The following GCA variants were observed in gnomAD, a reference collection of about 807,000 sequenced individuals.
GCA encodes grancalcin, EF-hand calcium-binding protein.
Under a neutral mutation model 32.6 loss-of-function variants are expected in GCA, and 30 were observed. The ratio of observed to expected loss-of-function variants is 0.92; its 90% CI spans 0.69 to 1.25. The LOEUF is 1.25. Ranked by LOEUF, GCA falls within the 50% of genes most tolerant of loss-of-function variation. GCA has a pLI of 0.00. For missense variants in GCA, 291 were observed against 266.8 expected, an observed-to-expected ratio of 1.09 and a Z score of -0.63; for synonymous variants, 102 against 84.6, an observed-to-expected ratio of 1.21 and a Z score of -1.13.
At chr2:162,331,896 A>T (rs564850400) in intron 1 of GCA, among the ~76,000 whole-genome samples, 2 of 152,306 alleles carry the variant, frequency 1.3e-5, no homozygotes, top group South Asian at 4.1e-4. Context: ...AAGTGGACAC[A>T]TATTTTCAGC....
At chr2:162,359,421 G>A (rs1685458986) in intron 6 of GCA, 73 bp from the exon 7 acceptor site, 1 of 676,424 alleles carries the variant, frequency 1.5e-6, no homozygotes, top group Admixed American at 2.6e-5. Context: ...TTCTTTTTGT[G>A]TACCTGGGTG....
At position 162,344,177 on chromosome 2, in the gene GCA, C is replaced by G. The variant is rs1378478810; in HGVS notation, c.-72C>G. On this transcript the variant is annotated 5_prime_UTR_variant, in exon 1 of 8. Transcript: ENST00000437150. The stretch of plus-strand genomic sequence containing the variant: ...CTGCAGCTGCGCCTCCTTGCACCTG[C>G]GCCTGTGCTTTTTCTCCCAGCACTG... The G allele has an allele frequency of 3.2e-6, 5 of 1,557,302 alleles. No individual in the cohort carries two copies. In the African/African-American group the frequency reaches 5.4e-5, roughly 17 times the overall value.
downstream of GCA, chr2:162,373,467 T>C (rs2105385754): frequency 6.6e-7 from 1 of 1,517,264 alleles, no homozygotes; most frequent in Non-Finnish European, 8.9e-7. Context: ...TATCCACACT[T>C]ACTTGTGAGG....
chr2:162,373,588 G>C, downstream of GCA: 1 of 1,580,386 alleles, frequency 6.3e-7, no homozygotes, highest in Non-Finnish European at 8.6e-7. Context: ...ACTGTAGGCT[G>C]GGGGGACCAC....
chr2:162,333,915 C>G (rs761221829), intron 1 of GCA, among the ~76,000 whole-genome samples: 7 of 152,108 alleles, frequency 4.6e-5, no homozygotes, highest in Non-Finnish European at 1.0e-4. Context: ...AAACTTATCT[C>G]GAAAAAGGAA....
Position 162,361,149 on chromosome 2 carries a change from A to G in GCA, c.*906A>G. ...TGTTCAGAAATTTTACATTTGACTTATTTGACAACATTAACATTAGTGGTG... is the reference window on the plus strand; with the variant it reads ...TGTTCAGAAATTTTACATTTGACTTGTTTGACAACATTAACATTAGTGGTG... On this transcript the variant is annotated 3_prime_UTR_variant, in exon 8 of 8. Coordinates refer to ENST00000437150, the MANE Select transcript of GCA (RefSeq NM_012198.5). 1.0e-6 allele frequency: 1 copy of G among 983,694 alleles called. No individual in the cohort carries two copies. Among genetic ancestry groups the G allele is most frequent in the Non-Finnish European group, 1.2e-6 (1 of 828,054 alleles). 60.9% of individuals were successfully genotyped at this position (983,694 alleles called of 1,614,324 possible).
downstream of GCA, among the ~76,000 whole-genome samples, chr2:162,367,232 A>G (rs945659628): frequency 1.3e-5 from 2 of 152,014 alleles, no homozygotes; most frequent in Non-Finnish European, 2.9e-5. Flanking sequence ...TGCCATTTCC[A>G]CCGTTCCGCA....
chr2:162,337,752 C>T (rs1684316624), intron 1 of GCA, among the ~76,000 whole-genome samples: 1 of 152,048 alleles, frequency 6.6e-6, no homozygotes, highest in South Asian at 2.1e-4. Flanking sequence ...ACTTCAGTTC[C>T]TAATTTTGGA....
upstream of GCA, among the ~76,000 whole-genome samples, chr2:162,343,826 G>A (rs1684530204): frequency 6.6e-6 from 1 of 152,214 alleles, no homozygotes; most frequent in Non-Finnish European, 1.5e-5. Flanking sequence ...AGTAACTTGA[G>A]GAGTTGAAGG....
At chr2:162,371,667 T>C, downstream of GCA, 4 of 816,028 alleles carry the variant, frequency 4.9e-6, no homozygotes, top group South Asian at 6.7e-5. Context: ...TCCTAACTGC[T>C]CAGTTTTACC....
downstream of GCA, among the ~76,000 whole-genome samples, chr2:162,363,152 A>G (rs1425386521): frequency 2.6e-5 from 4 of 151,250 alleles, no homozygotes; most frequent in African/African-American, 4.9e-5. Context: ...ACGTTTGACA[A>G]ACTCTTAAAT....
At chr2:162,359,186 G>A in intron 6 of GCA, 29 bp downstream of exon 6, 1 of 1,169,874 alleles carries the variant, frequency 8.5e-7, no homozygotes, top group Non-Finnish European at 1.3e-6. Context: ...TAAGTGCACA[G>A]TGTTATGTAG....
chr2:162,333,973 G>A (rs1684179786), intron 1 of GCA, among the ~76,000 whole-genome samples: 1 of 152,168 alleles, frequency 6.6e-6, no homozygotes, highest in Non-Finnish European at 1.5e-5. Context: ...TACTGCCTAA[G>A]GCTCATCTTA....
upstream of GCA, among the ~76,000 whole-genome samples, chr2:162,341,444 T>C (rs897965723): frequency 6.6e-6 from 1 of 151,820 alleles, no homozygotes; most frequent in African/African-American, 2.4e-5. Flanking sequence ...TAATTTATTG[T>C]TTACATTTTA....
chr2:162,372,205 G>T, downstream of GCA: 2 of 889,536 alleles, frequency 2.2e-6, no homozygotes, highest in Non-Finnish European at 1.7e-6. Context: ...ATCTATATTT[G>T]ATTAGTGATA....
intron 1 of GCA, chr2:162,346,770 G>A (rs1684730509): frequency 6.6e-6 from 1 of 152,124 alleles, no homozygotes; most frequent in African/African-American, 2.4e-5. Flanking sequence ...ACATAATGTG[G>A]GTAAGGAAAG....
intron 2 of GCA, among the ~76,000 whole-genome samples, chr2:162,348,229 A>G (rs1250441025): frequency 3.3e-5 from 5 of 152,214 alleles, no homozygotes; most frequent in Non-Finnish European, 1.5e-5. Flanking sequence ...CTTTTATAGC[A>G]TGCAAAAATG....
At chr2:162,373,516 G>A (rs745510969), downstream of GCA, 20 of 1,575,794 alleles carry the variant, frequency 1.3e-5, no homozygotes, top group East Asian at 2.4e-5. Flanking sequence ...GGATGCTTCC[G>A]GTTGACTGGT....
Position 162,347,560 on chromosome 2 carries a change from C to G in GCA, c.28-18C>G. The G allele has an allele frequency of 6.6e-7, 1 of 1,523,558 alleles. No homozygotes were observed. Among genetic ancestry groups the G allele is most frequent in the Non-Finnish European group, 8.9e-7 (1 of 1,117,404 alleles). 94.4% of individuals were successfully genotyped at this position (1,523,558 alleles called of 1,614,324 possible). ...GTAGTATTTATATTACTAACCTTCT[C>G]CCCTTTCACTATTATAGTTTGGAAA... On this transcript the variant is annotated intron_variant, in intron 1 of 7. Coordinates refer to ENST00000437150, the MANE Select transcript of GCA (RefSeq NM_012198.5).
Sources: allele counts gnomAD v4.1 joint callset (sites outside exome capture counted in the v4.1 genomes callset), GRCh38; gene constraint gnomAD v4.1.1; transcripts MANE v1.5; gene names NCBI Gene and HGNC (gene_info 2026-07-23, HGNC 2026-07-21).